The following THBS2 variants were observed in gnomAD, a reference collection of about 807,000 sequenced individuals.
THBS2 encodes thrombospondin 2.
In THBS2, 47 loss-of-function variants were observed where a neutral mutation model predicts 135.2. The ratio of observed to expected loss-of-function variants is 0.35; its 90% CI spans 0.28 to 0.44. THBS2 has a LOEUF of 0.44. THBS2 is among the 20% of genes least tolerant of loss of function. THBS2 has a pLI of 1.00. For missense variants in THBS2, 1,288 were observed against 1,603.1 expected, an observed-to-expected ratio of 0.80 and a Z score of 3.36; for synonymous variants, 639 against 633.8, an observed-to-expected ratio of 1.01 and a Z score of -0.12.
At chr6:169,220,406 T>C (rs980146403) in intron 20 of THBS2, 69 bp from the exon 21 acceptor site, 10 of 1,545,360 alleles carry the variant, frequency 6.5e-6, no homozygotes, top group Non-Finnish European at 7.9e-6. Context: ...CATTCACCAG[T>C]GATGGAAGGT....
chr6:169,250,869 G>C lies in THBS2; in HGVS notation c.-22-63C>G. 3 of 1,153,378 alleles carry C rather than the reference G, an allele frequency of 2.6e-6. No individual in the cohort carries two copies. The South Asian group carries it at 4.5e-5, about 17-fold the overall frequency. 71.4% of individuals were successfully genotyped at this position (1,153,378 alleles called of 1,614,324 possible). ...CAGCTGCAACCCTGCCTGTGAGCGA[G>C]ACTGGCCCAGTGACTCACATGACCA... On this transcript the variant is annotated intron_variant, in intron 1 of 21. Transcript: ENST00000617924.
chr6:169,247,209 C>A (rs1388102855), intron 3 of THBS2, among the ~76,000 whole-genome samples: 1 of 152,192 alleles, frequency 6.6e-6, no homozygotes, highest in African/African-American at 2.4e-5. Flanking sequence ...GGGCAGCCCT[C>A]TCTGATTAAT....
At chr6:169,217,899 T>C in intron 21 of THBS2, 70 bp from the exon 22 acceptor site, 1 of 1,448,082 alleles carries the variant, frequency 6.9e-7, no homozygotes, top group Admixed American at 2.0e-5. Context: ...TTATTTTGTT[T>C]TACCTAGAAC....
At chr6:169,235,612 C>G (rs1175361657) in intron 9 of THBS2, among the ~76,000 whole-genome samples, 1 of 151,974 alleles carries the variant, frequency 6.6e-6, no homozygotes, top group African/African-American at 2.4e-5. Context: ...TTCAGAGAGA[C>G]ACAGTTCTGT....
At chr6:169,250,480 C>T (rs1226112347) in intron 2 of THBS2, among the ~76,000 whole-genome samples, 1 of 152,148 alleles carries the variant, frequency 6.6e-6, no homozygotes, top group Non-Finnish European at 1.5e-5. Context: ...TGTGAACATC[C>T]TCTATAGAAA....
rs1583410720 is a variant in THBS2, at chr6:169,232,092, C to G, written c.2039G>C (p.Cys680Ser). 6.2e-7 allele frequency: 1 copy of G among 1,614,120 alleles called. No homozygotes were observed. ...HFSDPMYKCE[C>S]QTGYAGDGLI... ...CCCGTCGCCCGCGTAGCCTGTCTGG[C>G]ACTCGCACTTGTACATGGGGTCGCT... The change falls in exon 13 of 22, where the codon TGC (cysteine) becomes TCC (serine). Residue 680 changes from cysteine (C) to serine (S), a missense_variant. This residue lies in a region of THBS2 where 874 missense variants were observed against 1,156.1 expected (regional missense o/e 0.76). Transcript: ENST00000617924.
chr6:169,225,652 C>T (rs1562355299), intron 16 of THBS2, among the ~76,000 whole-genome samples: 1 of 152,358 alleles, frequency 6.6e-6, no homozygotes, highest in South Asian at 2.1e-4. Context: ...GCTGGAAAAG[C>T]ATGAACTACC....
chr6:169,218,590 GGTGGGTGT>G (rs1396458475), intron 21 of THBS2, among the ~76,000 whole-genome samples: 2 of 146,114 alleles, frequency 1.4e-5, no homozygotes, highest in Non-Finnish European at 3.0e-5. Flanking sequence ...GGATGAGATG[GGTGGGTGT>G]GTGGGTGGGT....
rs920759718 is a variant in THBS2, at chr6:169,253,091, A to G, written c.-23+633T>C. On this transcript the variant is annotated intron_variant, in intron 1 of 21. Coordinates refer to ENST00000617924, the MANE Select transcript of THBS2 (RefSeq NM_003247.5). ...AGTCGCTGTGTGTCCCGGCAGTCAC[A>G]GGATTTTCCATAGACTTACCACAAA... Among the ~76,000 whole-genome samples the G allele has an allele frequency of 2.0e-5, 3 of 152,202 alleles. No homozygotes were observed. The East Asian group carries it at 5.8e-4, about 29-fold the overall frequency.
At chr6:169,219,190 G>A (rs1225998554) in intron 21 of THBS2, among the ~76,000 whole-genome samples, 1 of 148,634 alleles carries the variant, frequency 6.7e-6, no homozygotes, top group African/African-American at 2.5e-5. Context: ...TTGGGTGGAT[G>A]TGTGGGTGGA....
intron 10 of THBS2, 63 bp downstream of exon 10, chr6:169,234,671 T>C (rs1779967762): frequency 1.4e-6 from 2 of 1,398,458 alleles, no homozygotes; most frequent in Non-Finnish European, 1.9e-6. Flanking sequence ...TCCCAAAGCG[T>C]TTGTGCTTTT....
chr6:169,226,125 C>T (rs1779617412), intron 16 of THBS2, 55 bp downstream of exon 16: 1 of 1,507,642 alleles, frequency 6.6e-7, no homozygotes, highest in Non-Finnish European at 9.1e-7. Flanking sequence ...CCGCCACCGT[C>T]CCCGCGTCCC....
chr6:169,238,391 A>C (rs1780181224), intron 7 of THBS2, among the ~76,000 whole-genome samples: 1 of 152,212 alleles, frequency 6.6e-6, no homozygotes, highest in African/African-American at 2.4e-5. Flanking sequence ...TGAGGAGAGA[A>C]GCCCAGTGAA....
chr6:169,247,964 G>A (rs912801147), intron 3 of THBS2, among the ~76,000 whole-genome samples: 5 of 151,782 alleles, frequency 3.3e-5, no homozygotes, highest in African/African-American at 1.2e-4. Flanking sequence ...GCGTGCCCAT[G>A]TATGGTGTTT....
chr6:169,226,068 T>A (rs1207869644), intron 16 of THBS2, 112 bp downstream of exon 16: 3 of 1,198,348 alleles, frequency 2.5e-6, no homozygotes, highest in East Asian at 2.4e-5. Flanking sequence ...TGCCCTCATC[T>A]GGTCAGGGTT....
intron 15 of THBS2, 62 bp downstream of exon 15, chr6:169,228,060 G>C (rs1779704070): frequency 3.9e-6 from 6 of 1,534,310 alleles, no homozygotes; most frequent in South Asian, 3.7e-5. Context: ...GGCAACAATA[G>C]TGAAACTCCA....
Position 169,243,115 on chromosome 6 carries a change from T to TCCCA in THBS2, c.695-1158_695-1157insTGGG, listed in dbSNP as rs1336371231. ...TCCCACCTTCCCACCTTCCCACCAC[T>TCCCA]CCTACCTTCCCACCTTCCCACCGCT... On this transcript the variant is annotated intron_variant, in intron 4 of 21. Coordinates refer to ENST00000617924, the MANE Select transcript of THBS2 (RefSeq NM_003247.5). 2.6e-3 allele frequency among the ~76,000 whole-genome samples: 188 copies of TCCCA among 70,966 alleles called. 4 individuals carry two copies. Among genetic ancestry groups the TCCCA allele is most frequent in the African/African-American group, 0.012 (183 of 15,490 alleles). The allele number at this position is 70,966 out of a possible 152,430, so 46.6% of individuals were successfully genotyped here. A position where few individuals can be genotyped will look rare whatever the true frequency, so the allele number is the denominator to read the frequency against.
At chr6:169,235,340 C>T (rs139438116) in intron 9 of THBS2, among the ~76,000 whole-genome samples, 229 of 152,096 alleles carry the variant, frequency 1.5e-3, no homozygotes, top group African/African-American at 5.3e-3. Flanking sequence ...CCATTTACAC[C>T]GAGAAGCTCA....
intron 13 of THBS2, among the ~76,000 whole-genome samples, chr6:169,231,533 C>G (rs1438568223): frequency 6.6e-6 from 1 of 152,212 alleles, no homozygotes; most frequent in Admixed American, 6.5e-5. Flanking sequence ...GGAGCTCCTT[C>G]TTCCAGCTGA....
Sources: allele counts gnomAD v4.1 joint callset (sites outside exome capture counted in the v4.1 genomes callset), GRCh38; gene constraint gnomAD v4.1.1; regional missense constraint gnomAD v4.1.1; transcripts MANE v1.5; gene names NCBI Gene and HGNC (gene_info 2026-07-23, HGNC 2026-07-21).